NLGN1: variants seen among roughly 807,000 people sequenced by gnomAD.
NLGN1 encodes the protein neuroligin-1.
In NLGN1, 12 loss-of-function variants were observed where a neutral mutation model predicts 65.5. That is an observed-to-expected ratio of 0.18 (90% CI 0.12 to 0.30). The LOEUF (loss-of-function observed/expected upper bound fraction) is 0.30, where lower values mean the gene tolerates loss of function less well. NLGN1 is among the 10% of genes least tolerant of loss of function. The pLI is 1.00. For missense variants in NLGN1, 750 were observed against 1,007.1 expected (o/e 0.74, Z 3.46); for synonymous variants, 350 against 359.5 (o/e 0.97, Z 0.30).
At chr3:173,585,803 C>T (rs538512261) in intron 2 of NLGN1, among the ~76,000 whole-genome samples, 2 of 152,292 alleles carry the variant, frequency 1.3e-5, no homozygotes, top group East Asian at 1.9e-4. Flanking sequence ...GCGGTGCGCG[C>T]GCGTTCCCAG....
intron 4 of NLGN1, among the ~76,000 whole-genome samples, chr3:173,991,509 G>C (rs1324980952): frequency 1.3e-5 from 2 of 152,106 alleles, no homozygotes; most frequent in Non-Finnish European, 2.9e-5. Context: ...AATGTTACTA[G>C]CCACACGTGT....
rs1395627038 is a variant in NLGN1, at chr3:173,485,348, T to TA, written c.-321+50276dup. 4.6e-5 allele frequency among the ~76,000 whole-genome samples: 7 copies of TA among 152,124 alleles called. No homozygotes were observed. In the East Asian group the frequency reaches 9.7e-4, roughly 21 times the overall value. ...AGCCATATACACATAACACAGATTA[T>TA]AAAAAACTATAGGAAATAGCATAAT... On this transcript the variant is annotated intron_variant, in intron 2 of 6. Transcript: ENST00000457714.
At chr3:174,275,812 C>T (rs557683925) in intron 5 of NLGN1, among the ~76,000 whole-genome samples, 1 of 151,986 alleles carries the variant, frequency 6.6e-6, no homozygotes, top group Admixed American at 6.6e-5. Flanking sequence ...AAGAAAAAAT[C>T]AGACAAAGAC....
chr3:173,904,429 C>G (rs1737957558), intron 4 of NLGN1, among the ~76,000 whole-genome samples: 1 of 151,902 alleles, frequency 6.6e-6, no homozygotes, highest in Non-Finnish European at 1.5e-5. Flanking sequence ...TAACTTTCAC[C>G]TCTTTCTATT....
At chr3:173,846,787 G>C (rs1424101794) in intron 4 of NLGN1, among the ~76,000 whole-genome samples, 3 of 152,180 alleles carry the variant, frequency 2.0e-5, no homozygotes, top group African/African-American at 7.2e-5. Context: ...CAGTGTGTCT[G>C]CTTCTCTGCC....
At position 173,630,739 on chromosome 3, in the gene NLGN1, A is replaced by T. The variant is rs1373048811; in HGVS notation, c.493+25648A>T. On this transcript the variant is annotated intron_variant, in intron 3 of 6. Transcript: ENST00000457714. Reference sequence around the variant, plus strand: ...GTATTCTTTAAAAGTCCCTTCCTTAACATGTTTTCTTAATACAGAACAATA... The same window carrying T: ...GTATTCTTTAAAAGTCCCTTCCTTATCATGTTTTCTTAATACAGAACAATA... Among the ~76,000 whole-genome samples the T allele has an allele frequency of 3.3e-5, 5 of 152,168 alleles. No individual in the cohort carries two copies. The East Asian group carries it at 9.7e-4, about 29-fold the overall frequency.
intron 3 of NLGN1, among the ~76,000 whole-genome samples, chr3:173,630,255 C>T (rs1011671999): frequency 6.6e-6 from 1 of 152,050 alleles, no homozygotes; most frequent in Admixed American, 6.6e-5. Context: ...TAATATTTCC[C>T]TCTATTGACA....
chr3:173,773,080 T>C (rs557812860), intron 3 of NLGN1, among the ~76,000 whole-genome samples: 4 of 152,252 alleles, frequency 2.6e-5, no homozygotes, highest in African/African-American at 7.2e-5. Flanking sequence ...TCAGTGAAAG[T>C]GCCATTATTT....
intron 4 of NLGN1, among the ~76,000 whole-genome samples, chr3:173,844,189 C>A (rs1725319609): frequency 6.6e-6 from 1 of 152,122 alleles, no homozygotes; most frequent in Non-Finnish European, 1.5e-5. Context: ...CCCACGGGGT[C>A]CCTCCCACAC....
In NLGN1 at chr3:174,028,369, G is replaced by T. The variant is rs531753296; in HGVS notation, c.646+220537G>T. On this transcript the variant is annotated intron_variant, in intron 4 of 6. Coordinates refer to ENST00000457714, the Ensembl canonical transcript of NLGN1. Reference sequence around the variant, plus strand: ...ATAGTGATATGGACAATGAAGTCCAGGCTGAAATGGTCTCAGATGGACATG... The same window carrying T: ...ATAGTGATATGGACAATGAAGTCCATGCTGAAATGGTCTCAGATGGACATG... 2.6e-5 allele frequency among the ~76,000 whole-genome samples: 4 copies of T among 152,316 alleles called. No individual in the cohort carries two copies. The South Asian group carries it at 8.3e-4, about 32-fold the overall frequency.
intron 4 of NLGN1, among the ~76,000 whole-genome samples, chr3:174,006,675 T>C (rs1261989953): frequency 6.6e-6 from 1 of 152,204 alleles, no homozygotes; most frequent in Non-Finnish European, 1.5e-5. Flanking sequence ...CCCCCAGTAC[T>C]TCAGAATGTA....
chr3:173,494,880 A>G (rs1478409211), intron 2 of NLGN1, among the ~76,000 whole-genome samples: 1 of 151,756 alleles, frequency 6.6e-6, no homozygotes, highest in Non-Finnish European at 1.5e-5. Flanking sequence ...TCACTGATCT[A>G]TTTGGCCAGT....
chr3:173,758,757 T>C (rs1777514462), intron 3 of NLGN1, among the ~76,000 whole-genome samples: 2 of 151,986 alleles, frequency 1.3e-5, no homozygotes, highest in Admixed American at 1.3e-4. Flanking sequence ...CTTAAAAAAA[T>C]AGCTAAGCAG....
chr3:174,073,692 G>A (rs956181814), intron 4 of NLGN1, among the ~76,000 whole-genome samples: 3 of 152,120 alleles, frequency 2.0e-5, no homozygotes, highest in African/African-American at 7.2e-5. Context: ...CTAATCAGAA[G>A]CTCAGATTAA....
intron 2 of NLGN1, among the ~76,000 whole-genome samples, chr3:173,500,602 G>A (rs1301556832): frequency 1.3e-5 from 2 of 152,020 alleles, no homozygotes; most frequent in Non-Finnish European, 2.9e-5. Context: ...TTTTTCTATT[G>A]ATTGGAATAG....
chr3:173,408,388 T>C lies in NLGN1; in HGVS notation c.-390+9901T>C, dbSNP rs181095348. On this transcript the variant is annotated intron_variant, in intron 1 of 6. Transcript: ENST00000457714. Reference sequence around the variant, plus strand: ...AAAAATTTTTAACATTTTTAAGGTCTGAGGGGCAATTTCAAGAGAGATGTA... The same window carrying C: ...AAAAATTTTTAACATTTTTAAGGTCCGAGGGGCAATTTCAAGAGAGATGTA... 7.4e-4 allele frequency among the ~76,000 whole-genome samples: 112 copies of C among 152,312 alleles called. 1 individual carries two copies. Among genetic ancestry groups the C allele is most frequent in the African/African-American group, 2.6e-3 (110 of 41,578 alleles).
intron 4 of NLGN1, among the ~76,000 whole-genome samples, chr3:174,041,257 G>A (rs1440632412): frequency 1.3e-5 from 2 of 151,900 alleles, no homozygotes; most frequent in Non-Finnish European, 2.9e-5. Context: ...CTTCCTGTAA[G>A]GCTTCTTCTA....
In NLGN1 at chr3:173,708,533, G is replaced by A. The variant is rs555987755; in HGVS notation, c.494-99147G>A. 2.7e-3 allele frequency among the ~76,000 whole-genome samples: 416 copies of A among 152,298 alleles called. 4 individuals carry two copies. Among genetic ancestry groups the A allele is most frequent in the African/African-American group, 9.4e-3 (391 of 41,562 alleles). The stretch of plus-strand genomic sequence containing the variant: ...GAGGAAAAGACCAGGAGAGAGGCCT[G>A]CATAGACTTTGGACTGGACTCAGGA... On this transcript the variant is annotated intron_variant, in intron 3 of 6. Transcript: ENST00000457714.
At chr3:173,933,191 C>A (rs796540779) in intron 4 of NLGN1, among the ~76,000 whole-genome samples, 2 of 152,114 alleles carry the variant, frequency 1.3e-5, no homozygotes, top group African/African-American at 4.8e-5. Flanking sequence ...GATAAGAAGG[C>A]AAACAAACTA....
Sources: allele counts gnomAD v4.1 joint callset (sites outside exome capture counted in the v4.1 genomes callset), GRCh38; gene constraint gnomAD v4.1.1; transcripts MANE v1.5; gene names NCBI Gene and HGNC (gene_info 2026-07-23, HGNC 2026-07-21).